Variants in RNF216 observed in about 807,000 individuals in gnomAD.
RNF216 encodes the protein ring finger protein 216, also known as E3 ubiquitin-protein ligase RNF216.
RNF216 carries 72 observed loss-of-function variants against 110.8 expected under a neutral mutation model. The ratio of observed to expected loss-of-function variants is 0.65; its 90% CI spans 0.54 to 0.79. RNF216 has a LOEUF of 0.79. RNF216 is among the 30% of genes least tolerant of loss of function. The probability of loss-of-function intolerance (pLI) is 0.00; values close to 1 mark genes in which losing one functional copy is unlikely to be tolerated. For missense variants in RNF216, 1,342 were observed against 1,141.2 expected (o/e 1.18, Z -2.54); for synonymous variants, 495 against 407.5 (o/e 1.21, Z -2.59).
At position 5,659,952 on chromosome 7, in the gene RNF216, ATT is replaced by A. The variant is rs36099512; in HGVS notation, c.2062-7444_2062-7443del. Among the ~76,000 whole-genome samples the A allele has an allele frequency of 2.9e-3, 391 of 132,786 alleles. 1 individual carries two copies. Among genetic ancestry groups the A allele is most frequent in the South Asian group, 0.013 (51 of 4,002 alleles). The allele number at this position is 132,786 out of a possible 152,430, so 87.1% of individuals were successfully genotyped here. ...CTTAATATTTTAATTACATTCATTA[ATT>A]TTTTTTTTTTTTTTTTTAGAGACAA... On this transcript the variant is annotated intron_variant, in intron 13 of 16. Transcript: ENST00000389902.
At chr7:5,751,708 C>T (rs915751122) in intron 3 of RNF216, among the ~76,000 whole-genome samples, 1 of 151,826 alleles carries the variant, frequency 6.6e-6, no homozygotes, top group African/African-American at 2.4e-5. Flanking sequence ...CTCTTCAGCC[C>T]TTCTTTGTCT....
rs115516157 is a variant in RNF216 at position 5,672,787 on chromosome 7, G to T, written c.2062-20277C>A. On this transcript the variant is annotated intron_variant, in intron 13 of 16. Transcript: ENST00000389902. ...CAAGGTAGAGGATGGATATGAGGGA[G>T]GACTCAAGATAGGATGCTGTAGAGC... Among the ~76,000 whole-genome samples the T allele has an allele frequency of 7.7e-3, 1,167 of 152,166 alleles. 9 individuals are homozygous for T. The highest frequency in any genetic ancestry group is 0.025 in the African/African-American group (1,044 of 41,500).
At chr7:5,778,084 T>G (rs746256708) in intron 1 of RNF216, among the ~76,000 whole-genome samples, 7 of 152,244 alleles carry the variant, frequency 4.6e-5, no homozygotes, top group Non-Finnish European at 7.3e-5. Context: ...ATACGGCATT[T>G]GAGTTATTTC....
intron 2 of RNF216, among the ~76,000 whole-genome samples, chr7:5,756,226 A>G (rs887959306): frequency 6.6e-6 from 1 of 152,118 alleles, no homozygotes; most frequent in African/African-American, 2.4e-5. Flanking sequence ...GCCTTTCGCC[A>G]TGACAGTAAT....
At chr7:5,639,707 G>A (rs1370211594) in intron 15 of RNF216, among the ~76,000 whole-genome samples, 2 of 151,456 alleles carry the variant, frequency 1.3e-5, no homozygotes, top group Non-Finnish European at 1.5e-5. Context: ...TGATCCACCC[G>A]CCTTGGTTTC....
At chr7:5,768,976 A>T (rs1237037814) in intron 1 of RNF216, among the ~76,000 whole-genome samples, 1 of 151,884 alleles carries the variant, frequency 6.6e-6, no homozygotes, top group African/African-American at 2.4e-5. Context: ...AACTTTTAAA[A>T]TCCACACATT....
chr7:5,633,864 G>A lies in RNF216; in HGVS notation c.2382+7290C>T, dbSNP rs546382103. ...AATTTACCAGAGAGGTTTTAATTAA[G>A]AAGAGAGAAACAAAACATACACAAA... On this transcript the variant is annotated intron_variant, in intron 15 of 16. Transcript: ENST00000389902. 3.6e-4 allele frequency among the ~76,000 whole-genome samples: 55 copies of A among 152,284 alleles called. 1 individual carries two copies. The highest frequency in any genetic ancestry group is 1.1e-3 in the African/African-American group (45 of 41,548).
At chr7:5,640,919 T>C (rs1033057768) in intron 15 of RNF216, among the ~76,000 whole-genome samples, 2 of 152,216 alleles carry the variant, frequency 1.3e-5, no homozygotes, top group Non-Finnish European at 2.9e-5. Context: ...CAGAGTTTTA[T>C]TTCCTGAAGA....
At chr7:5,753,070 C>A (rs1795418038) in intron 2 of RNF216, 91 bp from the exon 3 acceptor site, 5 of 1,344,584 alleles carry the variant, frequency 3.7e-6, no homozygotes, top group Non-Finnish European at 5.0e-6. Flanking sequence ...CAGCCTAAAG[C>A]CAACTTCATG....
In RNF216 at chr7:5,752,895, G is replaced by C. The variant is rs200061775; in HGVS notation, c.152C>G (p.Pro51Arg). The change falls in exon 3 of 17, where the codon CCT (proline) becomes CGT (arginine). Residue 51 changes from proline to arginine, a missense_variant. Physicochemically the swap from Pro to Arg is moderately radical, Grantham distance 103 (BLOSUM62 -2). Coordinates refer to ENST00000389902, the MANE Select transcript of RNF216 (RefSeq NM_207111.4). Reference protein sequence around the residue: ...ERIPMLVTPAPQQHEEEDLDD... With the variant: ...ERIPMLVTPARQQHEEEDLDD... ...CAGGTCCTCTTCTTCATGCTGCTGA[G>C]GAGCTGGGGTGACCAGCATTGGAAT... is the stretch of plus-strand genomic sequence containing the variant. 4.8e-5 allele frequency: 77 copies of C among 1,612,474 alleles called. No individual in the cohort carries two copies. In the East Asian group the frequency reaches 1.7e-3, roughly 35 times the overall value.
intron 13 of RNF216, among the ~76,000 whole-genome samples, chr7:5,675,022 T>C (rs1260858157): frequency 6.6e-6 from 1 of 151,700 alleles, no homozygotes; most frequent in Non-Finnish European, 1.5e-5. Context: ...AAACAATATA[T>C]ATATATAAAG....
intron 9 of RNF216, 38 bp downstream of exon 9, chr7:5,720,995 C>G (rs143937607): frequency 1.2e-6 from 2 of 1,606,670 alleles, no homozygotes; most frequent in Non-Finnish European, 8.5e-7. Flanking sequence ...AACCAGAATC[C>G]CAGAAACACA....
chr7:5,675,957 C>T (rs1391746529), intron 13 of RNF216, among the ~76,000 whole-genome samples: 2 of 151,938 alleles, frequency 1.3e-5, no homozygotes, highest in African/African-American at 4.8e-5. Context: ...GATCCGCCCA[C>T]CTCAGCCTTC....
chr7:5,737,538 AATAATAAT>A (rs1794494581), intron 5 of RNF216, among the ~76,000 whole-genome samples: 2 of 150,008 alleles, frequency 1.3e-5, no homozygotes, highest in African/African-American at 5.0e-5. Context: ...TAATAATAAT[AATAATAAT>A]AAATAAATAA....
Position 5,621,200 on chromosome 7 carries a change from G to A in RNF216, c.*1660C>T, listed in dbSNP as rs1786338551. The stretch of plus-strand genomic sequence containing the variant: ...TTTTTTTTTTTTTTTTAAAGATAGA[G>A]TTTTGCTTTTGTTGCTCAGGCTGGA... On this transcript the variant is annotated 3_prime_UTR_variant, in exon 17 of 17. Coordinates refer to ENST00000389902, the MANE Select transcript of RNF216 (RefSeq NM_207111.4). The A allele has an allele frequency of 6.8e-6, 1 of 147,104 alleles. No individual in the cohort carries two copies. The highest frequency in any genetic ancestry group is 1.5e-5 in the Non-Finnish European group (1 of 67,200). The allele number at this position is 147,104 out of a possible 1,614,324, so 9.1% of individuals were successfully genotyped here. A position where few individuals can be genotyped will look rare whatever the true frequency, so the allele number is the denominator to read the frequency against.
At chr7:5,722,213 A>G (rs1793469635) in intron 8 of RNF216, among the ~76,000 whole-genome samples, 1 of 151,740 alleles carries the variant, frequency 6.6e-6, no homozygotes, top group Admixed American at 6.6e-5. Context: ...TGTGAGCCAC[A>G]ACGCCTGGCC....
chr7:5,753,892 G>T lies in RNF216; in HGVS notation c.68-913C>A, dbSNP rs542036891. On this transcript the variant is annotated intron_variant, in intron 2 of 16. Coordinates refer to ENST00000389902, the MANE Select transcript of RNF216 (RefSeq NM_207111.4). The stretch of plus-strand genomic sequence containing the variant: ...TGCCTGTAATCCCAGCTATTCAGGA[G>T]GCTGAGGCAGGAGAATCGTTTGAAC... 2.6e-5 allele frequency among the ~76,000 whole-genome samples: 4 copies of T among 152,258 alleles called. No homozygotes were observed. In the South Asian group the frequency reaches 6.2e-4, roughly 24 times the overall value.
rs192617065 is a variant in RNF216, at chr7:5,624,543, G to A, written c.2383-418C>T. 7.2e-4 allele frequency among the ~76,000 whole-genome samples: 109 copies of A among 152,358 alleles called. 1 individual carries two copies. The Middle Eastern group carries it at 0.014, about 19-fold the overall frequency. The stretch of plus-strand genomic sequence containing the variant: ...CATGGCAGCCTGTCTGCAGAGCCTG[G>A]AAAAGTCTTGCAGATGTCCTCAACT... On this transcript the variant is annotated intron_variant, in intron 15 of 16. Coordinates refer to ENST00000389902, the MANE Select transcript of RNF216 (RefSeq NM_207111.4). This position sits in a 1 kb window ranked among gnomAD's most constrained non-coding sequence, Gnocchi z 4.4.
At chr7:5,758,139 C>T (rs1229172050) in intron 2 of RNF216, among the ~76,000 whole-genome samples, 1 of 152,016 alleles carries the variant, frequency 6.6e-6, no homozygotes, top group Non-Finnish European at 1.5e-5. Flanking sequence ...ATTAGTTGTT[C>T]TTAAAGAAAC....
Sources: allele counts gnomAD v4.1 joint callset (sites outside exome capture counted in the v4.1 genomes callset), GRCh38; gene constraint gnomAD v4.1.1; non-coding constraint Gnocchi (gnomAD v3.1); transcripts MANE v1.5; gene names NCBI Gene and HGNC (gene_info 2026-07-23, HGNC 2026-07-21).